Variants in CELF2 observed in about 807,000 individuals in gnomAD.
CELF2 encodes the protein CUG triplet repeat RNA-binding protein 2.
Under a neutral mutation model 62.6 loss-of-function variants are expected in CELF2, and 8 were observed. The observed-to-expected ratio is 0.13, with a 90% CI of 0.07 to 0.23. The LOEUF (loss-of-function observed/expected upper bound fraction) is 0.23, where lower values mean the gene tolerates loss of function less well. Ranked by LOEUF, CELF2 falls within the 10% of genes least tolerant of loss-of-function variation. The pLI is 1.00. For synonymous variants in CELF2, 258 were observed against 250.0 expected, an observed-to-expected ratio of 1.03 and a Z score of -0.30; for missense variants, 333 against 671.0, an observed-to-expected ratio of 0.50 and a Z score of 5.56.
the CELF2 span, among the ~76,000 whole-genome samples, chr10:10,562,038 A>G: frequency 6.6e-6 from 1 of 152,220 alleles, no homozygotes; most frequent in Non-Finnish European, 1.5e-5. Context: ...ATCACTTACC[A>G]GAAGGCTCCA....
intron 1 of CELF2, among the ~76,000 whole-genome samples, chr10:11,115,459 A>T (rs2056344963): frequency 2.6e-5 from 4 of 152,038 alleles, no homozygotes. Context: ...AGTAGGAGGG[A>T]GTTGTATTTG....
chr10:10,945,095 A>G (rs2047506444), intron 2 of CELF2, among the ~76,000 whole-genome samples: 1 of 152,188 alleles, frequency 6.6e-6, no homozygotes, highest in South Asian at 2.1e-4. Context: ...GTGTGGATTC[A>G]GAGTAATGTG....
the CELF2 span, among the ~76,000 whole-genome samples, chr10:10,649,491 G>C: frequency 6.6e-6 from 1 of 152,120 alleles, no homozygotes; most frequent in African/African-American, 2.4e-5. Context: ...CAAAACTCGT[G>C]TTATATGTTT....
At chr10:10,750,903 C>T in the CELF2 span, among the ~76,000 whole-genome samples, 4 of 152,132 alleles carry the variant, frequency 2.6e-5, no homozygotes, top group Non-Finnish European at 4.4e-5. Context: ...TCACTAAATC[C>T]GTTCCATTCT....
At chr10:10,881,038 T>G (rs2061406793) in intron 1 of CELF2, among the ~76,000 whole-genome samples, 1 of 152,204 alleles carries the variant, frequency 6.6e-6, no homozygotes. Context: ...CGGTGATTGC[T>G]ACAGTAAATA....
intron 4 of CELF2, among the ~76,000 whole-genome samples, chr10:11,256,664 T>TA (rs1565589949): frequency 0.015 from 1,103 of 71,676 alleles, 58 homozygotes; most frequent in East Asian, 0.12. Context: ...TGTGATGTCC[T>TA]TAAAAAAAAA....
At chr10:10,621,243 CAAAAAAAAAAAA>C in the CELF2 span, among the ~76,000 whole-genome samples, 2 of 45,348 alleles carry the variant, frequency 4.4e-5, no homozygotes, top group African/African-American at 1.4e-4. Context: ...GACTCTGACT[CAAAAAAAAAAAA>C]AAAAAAAAAA....
chr10:10,807,034 G>A (rs895449222), intron 1 of CELF2, among the ~76,000 whole-genome samples: 2 of 152,106 alleles, frequency 1.3e-5, no homozygotes, highest in African/African-American at 4.8e-5. Flanking sequence ...CATTAAACTG[G>A]GCCAGATGAT....
At position 10,895,059 on chromosome 10, in the gene CELF2, G is replaced by T. The variant is rs142049339; in HGVS notation, c.54-24905G>T. Among the ~76,000 whole-genome samples, 30 of 152,224 alleles carry T rather than the reference G, an allele frequency of 2.0e-4. No homozygotes were observed. The East Asian group carries it at 5.6e-3, about 28-fold the overall frequency. On this transcript the variant is annotated intron_variant, in intron 1 of 13. Transcript: ENST00000636488. ...CACATTAAATCCTTACAAGAGTCCA[G>T]ATTTATCTGAATTTCACAGACGAGA...
At chr10:11,327,548 C>T (rs992251362) in intron 12 of CELF2, among the ~76,000 whole-genome samples, 2 of 152,124 alleles carry the variant, frequency 1.3e-5, no homozygotes, top group Non-Finnish European at 2.9e-5. Flanking sequence ...AAGGTAGTGC[C>T]CCGTTCCTTC....
At chr10:10,636,973 C>G in the CELF2 span, among the ~76,000 whole-genome samples, 1 of 152,080 alleles carries the variant, frequency 6.6e-6, no homozygotes, top group East Asian at 1.9e-4. Context: ...ATAAATAAGA[C>G]CAGCAAGTCA....
At chr10:10,750,611 G>C in the CELF2 span, among the ~76,000 whole-genome samples, 2 of 152,192 alleles carry the variant, frequency 1.3e-5, no homozygotes, top group Non-Finnish European at 2.9e-5. Flanking sequence ...TGTAAAACAA[G>C]GAATTGAAAA....
At position 11,144,900 on chromosome 10, in the gene CELF2, GAAAAAAAAAAAA is replaced by G. The variant is rs397846995; in HGVS notation, c.75-20574_75-20563del. ...GAGGGAGACCCTGTCTCAGGAAACA[GAAAAAAAAAAAA>G]AAAAAAAAAAAGGCACCCCTCGCCA... is the stretch of plus-strand genomic sequence containing the variant. On this transcript the variant is annotated intron_variant, in intron 1 of 12. Coordinates refer to ENST00000633077, the MANE Select transcript of CELF2 (RefSeq NM_001326342.2). 6.7e-5 allele frequency among the ~76,000 whole-genome samples: 5 copies of G among 74,114 alleles called. No homozygotes were observed. In the Admixed American group the frequency reaches 8.5e-4, roughly 13 times the overall value. The allele number at this position is 74,114 out of a possible 152,430, so 48.6% of individuals were successfully genotyped here.
At chr10:11,139,119 C>T (rs2060891384) in intron 1 of CELF2, among the ~76,000 whole-genome samples, 1 of 152,090 alleles carries the variant, frequency 6.6e-6, no homozygotes. Flanking sequence ...TTTCAGCCGC[C>T]CTGTATAAAG....
At chr10:10,941,187 A>G (rs2047008305) in intron 2 of CELF2, among the ~76,000 whole-genome samples, 2 of 152,222 alleles carry the variant, frequency 1.3e-5, no homozygotes. Flanking sequence ...GAGCTTGGCA[A>G]TGATTACTTT....
chr10:11,279,170 G>A (rs1215316249), intron 8 of CELF2, among the ~76,000 whole-genome samples: 2 of 152,220 alleles, frequency 1.3e-5, no homozygotes, highest in African/African-American at 2.4e-5. Context: ...TTCTGAAGCT[G>A]CGGCGGAAGT....
chr10:10,870,806 G>A (rs1030671611), intron 1 of CELF2, among the ~76,000 whole-genome samples: 9 of 152,294 alleles, frequency 5.9e-5, no homozygotes, highest in Admixed American at 3.3e-4. Context: ...ACCAGAGCAC[G>A]GTGACAGTCG....
intron 2 of CELF2, among the ~76,000 whole-genome samples, chr10:10,967,623 G>A (rs1042554040): frequency 6.6e-6 from 1 of 152,214 alleles, no homozygotes; most frequent in Non-Finnish European, 1.5e-5. Context: ...TTGCCGTGCA[G>A]CCTAAGAAAC....
intron 1 of CELF2, among the ~76,000 whole-genome samples, chr10:11,099,081 C>T (rs1049166502): frequency 2.0e-5 from 3 of 152,234 alleles, no homozygotes; most frequent in Non-Finnish European, 4.4e-5. Context: ...CCCCACACAG[C>T]GTCCCATCTT....
Sources: gnomAD v4.1 joint callset for allele counts (sites outside exome capture counted in the v4.1 genomes callset) on GRCh38, gnomAD v4.1.1 for gene constraint, MANE v1.5 for transcripts, NCBI Gene and HGNC (gene_info 2026-07-23, HGNC 2026-07-21) for gene names.